The following ROCK2 variants were observed in gnomAD, a reference collection of about 807,000 sequenced individuals.
ROCK2 encodes rho-associated protein kinase 2.
In ROCK2, 61 loss-of-function variants were observed where a neutral mutation model predicts 195.1. The ratio of observed to expected loss-of-function variants is 0.31; its 90% confidence interval spans 0.25 to 0.39. The LOEUF is 0.39. Among genes scored for constraint, ROCK2 ranks in the 10% least tolerant of loss-of-function variants. The pLI, the probability that ROCK2 is intolerant of heterozygous loss-of-function variation, is 1.00. For missense variants in ROCK2, 1,109 were observed against 1,637.4 expected, an observed-to-expected ratio of 0.68 and a Z score of 5.57; for synonymous variants, 504 against 545.5, an observed-to-expected ratio of 0.92 and a Z score of 1.06.
intron 7 of ROCK2, 27 bp from the exon 8 acceptor site, chr2:11,222,201 TA>T: frequency 1.5e-6 from 2 of 1,303,388 alleles, no homozygotes; most frequent in Non-Finnish European, 2.2e-6. Flanking sequence ...AAGATTGTAT[TA>T]TTTAAAAATT....
At chr2:11,274,632 T>G (rs1447749358) in intron 3 of ROCK2, among the ~76,000 whole-genome samples, 1 of 152,234 alleles carries the variant, frequency 6.6e-6, no homozygotes, top group Non-Finnish European at 1.5e-5. Flanking sequence ...AAAACTTTCC[T>G]GACATAGAAA....
chr2:11,337,389 TG>T, intron 1 of ROCK2, among the ~76,000 whole-genome samples: 1 of 152,260 alleles, frequency 6.6e-6, no homozygotes, highest in South Asian at 2.1e-4. Context: ...AATGACCCAA[TG>T]TTTTTTAATG....
chr2:11,330,654 G>A (rs542770542), intron 1 of ROCK2, among the ~76,000 whole-genome samples: 24 of 147,722 alleles, frequency 1.6e-4, no homozygotes, highest in African/African-American at 5.9e-4. Context: ...CTCTAGCCTG[G>A]GTGACAGAGA....
intron 3 of ROCK2, among the ~76,000 whole-genome samples, chr2:11,257,989 T>C (rs1449620276): frequency 6.6e-6 from 1 of 151,498 alleles, no homozygotes; most frequent in Non-Finnish European, 1.5e-5. Context: ...CTACCAGATG[T>C]TATTTACAGA....
In ROCK2 at chr2:11,219,822, C is replaced by G. The variant is rs531102792; in HGVS notation, c.1260-796G>C. On this transcript the variant is annotated intron_variant, in intron 9 of 32. Coordinates refer to ENST00000315872, the MANE Select transcript of ROCK2 (RefSeq NM_004850.5). Reference sequence around the variant, plus strand: ...CGGTCAAAAGCCCCTTAGCAGAGCACACAACAATCATCTGTTGATTATTCT... The same window carrying G: ...CGGTCAAAAGCCCCTTAGCAGAGCAGACAACAATCATCTGTTGATTATTCT... Among the ~76,000 whole-genome samples, 297 of 150,932 alleles carry G rather than the reference C, an allele frequency of 2.0e-3. 1 individual carries two copies. The highest frequency in any genetic ancestry group is 3.6e-3 in the Non-Finnish European group (243 of 67,752).
At chr2:11,288,703 G>A (rs1463201387) in intron 1 of ROCK2, among the ~76,000 whole-genome samples, 5 of 140,514 alleles carry the variant, frequency 3.6e-5, no homozygotes, top group East Asian at 3.9e-4. Flanking sequence ...TGCAGAAAAC[G>A]AAACAGCAGT....
In ROCK2 at chr2:11,192,467, A is replaced by G. The variant is rs1387784406; in HGVS notation, c.3933T>C (p.Ile1311=). The G allele has an allele frequency of 6.2e-7, 1 of 1,614,004 alleles. No homozygotes were observed. The highest frequency in any genetic ancestry group is 8.5e-7 in the Non-Finnish European group (1 of 1,180,002). Residue 1311 remains isoleucine, a synonymous_variant, in exon 31 of 33, where the codon ATT becomes ATC. Transcript: ENST00000315872. The surrounding 1 kb of genome is among the most constrained non-coding windows in gnomAD (Gnocchi z 5.0). ...HKDHMDKKEE[I]IAPCKVYYDI... is the part of the protein sequence containing the mutation. ...ATCATTTACCTTTGCAAGGTGCTAT[A>G]ATCTCCTCCTTTTTGTCCATATGAT...
intron 1 of ROCK2, among the ~76,000 whole-genome samples, chr2:11,306,098 G>A (rs1389823785): frequency 6.6e-6 from 1 of 152,218 alleles, no homozygotes; most frequent in African/African-American, 2.4e-5. Context: ...ATGAATATAT[G>A]ATCCTGGGTC....
intron 1 of ROCK2, among the ~76,000 whole-genome samples, chr2:11,317,576 T>TTTTATATATATATATATATA (rs1553317356): frequency 6.8e-5 from 2 of 29,584 alleles, no homozygotes; most frequent in Non-Finnish European, 1.1e-4. Flanking sequence ...ATCTACACAT[T>TTTTATATATATATATATATA]TATATATATA....
intron 1 of ROCK2, among the ~76,000 whole-genome samples, chr2:11,296,004 A>AGGGGAGAGAGAGAGAGG (rs368823537): frequency 6.1e-5 from 2 of 32,824 alleles, no homozygotes; most frequent in African/African-American, 1.0e-4. Flanking sequence ...AGAGAGAGAG[A>AGGGGAGAGAGAGAGAGG]GGAGAGAGAG....
intron 1 of ROCK2, among the ~76,000 whole-genome samples, chr2:11,329,812 T>C (rs776485647): frequency 3.9e-5 from 6 of 152,228 alleles, no homozygotes; most frequent in Non-Finnish European, 8.8e-5. Flanking sequence ...CTCTTGCTTT[T>C]GTGATTAAAT....
intron 4 of ROCK2, among the ~76,000 whole-genome samples, chr2:11,242,698 C>T (rs1217176126): frequency 6.6e-6 from 1 of 152,136 alleles, no homozygotes; most frequent in African/African-American, 2.4e-5. Flanking sequence ...GGCTAATCTC[C>T]ACCCCTTGCC....
At chr2:11,332,449 A>G (rs1403900610) in intron 1 of ROCK2, among the ~76,000 whole-genome samples, 1 of 152,228 alleles carries the variant, frequency 6.6e-6, no homozygotes, top group Non-Finnish European at 1.5e-5. Flanking sequence ...CAACTTAAAT[A>G]TAATGATCCA....
rs1662965298 is a variant in ROCK2, at chr2:11,181,055, CCAT to C, written c.*2379_*2381del. 6.6e-6 allele frequency: 1 copy of C among 151,610 alleles called. No homozygotes were observed. Among genetic ancestry groups the C allele is most frequent in the Non-Finnish European group, 1.5e-5 (1 of 67,934 alleles). The allele number at this position is 151,610 out of a possible 1,614,324, so 9.4% of individuals were successfully genotyped here. ...AATCTTCCTTGTACAGTTGGTCACA[CCAT>C]GATTCCCCATATTCTCTAATATATA... On this transcript the variant is annotated 3_prime_UTR_variant, in exon 33 of 33. Coordinates refer to ENST00000315872, the MANE Select transcript of ROCK2 (RefSeq NM_004850.5).
At chr2:11,194,397 T>A in intron 28 of ROCK2, 53 bp from the exon 29 acceptor site, 1 of 648,984 alleles carries the variant, frequency 1.5e-6, no homozygotes, top group Non-Finnish European at 2.5e-6. Flanking sequence ...ATATACCTTA[T>A]TTATTGATTT....
chr2:11,309,181 T>TA (rs34609303), intron 1 of ROCK2, among the ~76,000 whole-genome samples: 59,847 of 146,284 alleles, frequency 0.41, 12,941 homozygotes, highest in Admixed American at 0.52. Flanking sequence ...TACTTTCTAT[T>TA]AAAAAAAAAA....
At position 11,204,079 on chromosome 2, in the gene ROCK2, A is replaced by G. The variant is rs146710125; in HGVS notation, c.2550-1958T>C. ...AGGAAGAAATTACAATGAGAAGTAG[A>G]AGTCTCCTCATTTGACACCTCTCCA... is the stretch of plus-strand genomic sequence containing the variant. On this transcript the variant is annotated intron_variant, in intron 20 of 32. Transcript: ENST00000315872. 1.8e-3 allele frequency among the ~76,000 whole-genome samples: 270 copies of G among 152,298 alleles called. 1 individual carries two copies. The highest frequency in any genetic ancestry group is 6.2e-3 in the African/African-American group (258 of 41,556).
At chr2:11,247,358 C>T (rs989742055) in intron 4 of ROCK2, among the ~76,000 whole-genome samples, 11 of 152,140 alleles carry the variant, frequency 7.2e-5, no homozygotes, top group African/African-American at 2.4e-4. Flanking sequence ...AAGTCAGTCA[C>T]TTTGACAAGT....
At chr2:11,232,998 G>A (rs764493268) in intron 5 of ROCK2, among the ~76,000 whole-genome samples, 8 of 152,130 alleles carry the variant, frequency 5.3e-5, no homozygotes, top group Non-Finnish European at 8.8e-5. Flanking sequence ...AGGATCACTT[G>A]AGCCCAGGAG....
Sources: gnomAD v4.1 joint callset for allele counts (sites outside exome capture counted in the v4.1 genomes callset) on GRCh38, gnomAD v4.1.1 for gene constraint, Gnocchi (gnomAD v3.1) non-coding constraint, MANE v1.5 for transcripts, NCBI Gene and HGNC (gene_info 2026-07-23, HGNC 2026-07-21) for gene names.